Variants in FAM76A observed in about 807,000 individuals in gnomAD.
The protein encoded by FAM76A is protein FAM76A.
In FAM76A, 32 loss-of-function variants were observed where a neutral mutation model predicts 46.2. That is an observed-to-expected ratio of 0.69 (90% CI 0.52 to 0.93). FAM76A has a LOEUF of 0.93. FAM76A is among the 40% of genes least tolerant of loss of function. The pLI is 0.00. For synonymous variants in FAM76A, 137 were observed against 127.0 expected, an observed-to-expected ratio of 1.08 and a Z score of -0.53; for missense variants, 274 against 361.5, an observed-to-expected ratio of 0.76 and a Z score of 1.96.
chr1:27,748,892 C>T (rs2088289750), intron 5 of FAM76A, among the ~76,000 whole-genome samples, 176 bp from the exon 6 acceptor site: 1 of 152,062 alleles, frequency 6.6e-6, no homozygotes, highest in Non-Finnish European at 1.5e-5. Flanking sequence ...ACTAGCTACC[C>T]ATCCATCCAG....
At chr1:27,754,192 C>T (rs571710784) in intron 6 of FAM76A, among the ~76,000 whole-genome samples, 4 of 150,898 alleles carry the variant, frequency 2.7e-5, no homozygotes, top group East Asian at 1.9e-4. Flanking sequence ...CTGCAACCTC[C>T]GCCTCCCAGG....
intron 4 of FAM76A, chr1:27,739,208 C>G: frequency 2.2e-6 from 1 of 449,752 alleles, no homozygotes; most frequent in Non-Finnish European, 4.4e-6. Context: ...AAGCTGGTGC[C>G]CCTATTGTAT....
At chr1:27,738,134 A>G (rs1388459778) in intron 4 of FAM76A, among the ~76,000 whole-genome samples, 1 of 152,068 alleles carries the variant, frequency 6.6e-6, no homozygotes, top group Non-Finnish European at 1.5e-5. Context: ...CTGAGGTGGG[A>G]GGATCACTTG....
intron 4 of FAM76A, among the ~76,000 whole-genome samples, chr1:27,735,931 T>C (rs2088036579): frequency 6.6e-6 from 1 of 152,252 alleles, no homozygotes; most frequent in African/African-American, 2.4e-5. Context: ...ATTACCTTTC[T>C]GCTTTATAAA....
At chr1:27,726,312 G>GCGGGGCACGTGCGGGAGC (rs1553177272) in intron 1 of FAM76A, 151 bp downstream of exon 1, 19 of 659,108 alleles carry the variant, frequency 2.9e-5, no homozygotes, top group African/African-American at 3.8e-5. Flanking sequence ...CTGGGGGCCG[G>GCGGGGCACGTGCGGGAGC]CGGGGCACGT....
At chr1:27,743,077 CAA>C in intron 4 of FAM76A, among the ~76,000 whole-genome samples, 1 of 152,100 alleles carries the variant, frequency 6.6e-6, no homozygotes, top group South Asian at 2.1e-4. Flanking sequence ...AACAAACAAA[CAA>C]AAATTATATG....
In FAM76A at chr1:27,761,126, T is replaced by G. The variant is rs1049230907; in HGVS notation, c.*545T>G. Reference sequence around the variant, plus strand: ...TTTTGCTTCAGGGTATACTCTTCGGTTTTTTTCCAGATGTATTATGTATGA... The same window carrying G: ...TTTTGCTTCAGGGTATACTCTTCGGGTTTTTTCCAGATGTATTATGTATGA... On this transcript the variant is annotated 3_prime_UTR_variant, in exon 9 of 9. Coordinates refer to ENST00000373954, the MANE Select transcript of FAM76A (RefSeq NM_152660.3). The G allele has an allele frequency of 6.6e-6, 1 of 152,148 alleles. No individual in the cohort carries two copies. The highest frequency in any genetic ancestry group is 2.4e-5 in the African/African-American group (1 of 41,310). The allele number at this position is 152,148 out of a possible 1,614,324, so 9.4% of individuals were successfully genotyped here.
At chr1:27,747,250 T>TA (rs2088255446) in intron 5 of FAM76A, among the ~76,000 whole-genome samples, 2 of 149,402 alleles carry the variant, frequency 1.3e-5, no homozygotes, top group Admixed American at 1.3e-4. Context: ...AGGTAGTTGT[T>TA]AAAATCATGC....
At chr1:27,743,225 A>G (rs2088184522) in intron 4 of FAM76A, among the ~76,000 whole-genome samples, 2 of 152,084 alleles carry the variant, frequency 1.3e-5, no homozygotes, top group African/African-American at 4.8e-5. Context: ...CTTACAGCTC[A>G]TGGCAGCCTT....
At chr1:27,733,375 A>T (rs529179834) in intron 3 of FAM76A, among the ~76,000 whole-genome samples, 62 of 152,338 alleles carry the variant, frequency 4.1e-4, no homozygotes, top group African/African-American at 1.4e-3. Context: ...TGTACTGATA[A>T]TAGCAAAGAG....
chr1:27,759,387 T>G, intron 7 of FAM76A, 139 bp from the exon 8 acceptor site: 1 of 539,828 alleles, frequency 1.9e-6, no homozygotes, highest in Non-Finnish European at 3.3e-6. Context: ...GGGTGTGGAA[T>G]TCCCTGGTTT....
At chr1:27,743,576 CAACA>C (rs2088191018) in intron 4 of FAM76A, among the ~76,000 whole-genome samples, 1 of 152,102 alleles carries the variant, frequency 6.6e-6, no homozygotes, top group Non-Finnish European at 1.5e-5. Context: ...CCAGCCTGGG[CAACA>C]TGGTGAAACC....
At chr1:27,747,963 A>G (rs1470463212) in intron 5 of FAM76A, among the ~76,000 whole-genome samples, 1 of 151,874 alleles carries the variant, frequency 6.6e-6, no homozygotes, top group East Asian at 1.9e-4. Flanking sequence ...GAGTTCAAAT[A>G]TATTGACCTG....
At chr1:27,759,746 C>T in intron 8 of FAM76A, 119 bp downstream of exon 8, 2 of 643,384 alleles carry the variant, frequency 3.1e-6, no homozygotes, top group Non-Finnish European at 5.2e-6. Flanking sequence ...ATTAACAAAT[C>T]ATGTTAATCC....
chr1:27,744,054 G>A (rs1160170030), intron 4 of FAM76A, among the ~76,000 whole-genome samples: 2 of 151,998 alleles, frequency 1.3e-5, no homozygotes, highest in South Asian at 4.1e-4. Context: ...AATTTTACTC[G>A]TCTGTGTTTG....
At chr1:27,739,419 A>G (rs989954890) in intron 4 of FAM76A, 6 of 508,780 alleles carry the variant, frequency 1.2e-5, no homozygotes, top group African/African-American at 3.9e-5. Context: ...CCTCGTGGAA[A>G]TGTTTTTCTC....
intron 7 of FAM76A, among the ~76,000 whole-genome samples, chr1:27,756,970 G>C (rs1173528228): frequency 2.0e-5 from 3 of 151,590 alleles, no homozygotes; most frequent in African/African-American, 4.8e-5. Context: ...AAGGTGGGAG[G>C]ATCACCTTAG....
intron 7 of FAM76A, among the ~76,000 whole-genome samples, chr1:27,758,944 C>G (rs2088460214): frequency 6.6e-6 from 1 of 152,240 alleles, no homozygotes; most frequent in Middle Eastern, 3.4e-3. Flanking sequence ...CAAATAATCT[C>G]TGTTATCTCA....
At chr1:27,735,351 G>A (rs182224628) in intron 4 of FAM76A, among the ~76,000 whole-genome samples, 93 of 152,308 alleles carry the variant, frequency 6.1e-4, no homozygotes, top group African/African-American at 2.0e-3. Context: ...TGTCCACCCC[G>A]ACTAGAATGT....
Sources: gnomAD v4.1 joint callset for allele counts (sites outside exome capture counted in the v4.1 genomes callset) on GRCh38, gnomAD v4.1.1 for gene constraint, MANE v1.5 for transcripts, NCBI Gene and HGNC (gene_info 2026-07-23, HGNC 2026-07-21) for gene names.